Variants in MEI4 observed in about 807,000 individuals in gnomAD.
MEI4 encodes meiotic double-stranded break formation protein 4.
MEI4 carries 27 observed loss-of-function variants against 31.4 expected under a neutral mutation model. That is an observed-to-expected ratio of 0.86 (90% CI 0.63 to 1.19). The LOEUF is 1.19. MEI4 is among the 50% of genes most tolerant of loss of function. The pLI is 0.00. For synonymous variants in MEI4, 122 were observed against 145.4 expected, an observed-to-expected ratio of 0.84 and a Z score of 1.16; for missense variants, 329 against 398.9, an observed-to-expected ratio of 0.82 and a Z score of 1.49.
intron 2 of MEI4, among the ~76,000 whole-genome samples, chr6:77,706,088 C>T (rs1480854441): frequency 2.0e-5 from 3 of 152,130 alleles, no homozygotes; most frequent in Non-Finnish European, 4.4e-5. Context: ...TCTTTCTCCC[C>T]AAGGCAGGCC....
intron 2 of MEI4, among the ~76,000 whole-genome samples, chr6:77,747,374 T>C (rs979301198): frequency 4.4e-4 from 66 of 151,238 alleles, no homozygotes; most frequent in African/African-American, 1.6e-3. Context: ...ACAAAGAAAA[T>C]AGATTTAATT....
chr6:77,829,507 A>G (rs902155979), intron 4 of MEI4, among the ~76,000 whole-genome samples: 1 of 152,124 alleles, frequency 6.6e-6, no homozygotes, highest in African/African-American at 2.4e-5. Context: ...TGCCAATCCT[A>G]TTATTACATA....
At chr6:77,911,868 C>A (rs1425181298) in intron 4 of MEI4, among the ~76,000 whole-genome samples, 1 of 151,652 alleles carries the variant, frequency 6.6e-6, no homozygotes. Context: ...ATGTTGTTGC[C>A]TGTGTTTTTG....
chr6:77,697,921 C>A (rs544073104), intron 2 of MEI4, among the ~76,000 whole-genome samples: 2 of 152,118 alleles, frequency 1.3e-5, no homozygotes, highest in African/African-American at 4.8e-5. Context: ...GTAGGTCACT[C>A]AGGACTTGCT....
intron 2 of MEI4, among the ~76,000 whole-genome samples, chr6:77,710,165 C>G (rs1766425741): frequency 6.6e-6 from 1 of 152,190 alleles, no homozygotes; most frequent in Admixed American, 6.5e-5. Flanking sequence ...ACCTTTTTAA[C>G]AGTAAATACC....
chr6:77,733,209 C>A (rs778762348), intron 2 of MEI4, among the ~76,000 whole-genome samples: 1 of 151,852 alleles, frequency 6.6e-6, no homozygotes, highest in Non-Finnish European at 1.5e-5. Flanking sequence ...ATGGTACCAG[C>A]TCCTCCTAGT....
chr6:77,832,281 A>G (rs7762288), intron 4 of MEI4, among the ~76,000 whole-genome samples: 125,431 of 151,878 alleles, frequency 0.83, 52,313 homozygotes, highest in East Asian at 0.95. Context: ...ACTGTCTGAA[A>G]AATAGTTTTA....
rs1379511668 is a variant in MEI4 at position 77,758,203 on chromosome 6, G to T, written c.233-2927G>T. On this transcript the variant is annotated intron_variant, in intron 2 of 4. Coordinates refer to ENST00000684080, the MANE Select transcript of MEI4 (RefSeq NM_001322247.2). The stretch of plus-strand genomic sequence containing the variant: ...GAAAGAAATAGCCACATGCAGTTCA[G>T]TTTGTTTGCTGATCGATCATTTTTC... Among the ~76,000 whole-genome samples, 3 of 150,288 alleles carry T rather than the reference G, an allele frequency of 2.0e-5. No homozygotes were observed. In the East Asian group the frequency reaches 5.8e-4, roughly 29 times the overall value.
At chr6:77,819,766 T>C (rs577763503) in intron 3 of MEI4, among the ~76,000 whole-genome samples, 27 of 152,276 alleles carry the variant, frequency 1.8e-4, no homozygotes, top group African/African-American at 5.8e-4. Context: ...GATATATATC[T>C]TAGTGTTGGA....
chr6:77,823,071 C>A (rs1390617394), intron 3 of MEI4, among the ~76,000 whole-genome samples: 1 of 152,050 alleles, frequency 6.6e-6, no homozygotes, highest in Non-Finnish European at 1.5e-5. Flanking sequence ...ACTATTATAG[C>A]TTCAATTTTG....
rs545354438 is a variant in MEI4, at chr6:77,762,989, T to C, written c.768+1324T>C. Among the ~76,000 whole-genome samples the C allele has an allele frequency of 2.0e-5, 3 of 152,258 alleles. No homozygotes were observed. In the East Asian group the frequency reaches 5.8e-4, roughly 29 times the overall value. On this transcript the variant is annotated intron_variant, in intron 3 of 4. Coordinates refer to ENST00000684080, the MANE Select transcript of MEI4 (RefSeq NM_001322247.2). The stretch of plus-strand genomic sequence containing the variant: ...TAAACACTACTTTAAGCAGTCTTTA[T>C]GTAACTTGGAACCTTGAAGATACTG...
intron 3 of MEI4, among the ~76,000 whole-genome samples, chr6:77,802,270 T>G (rs1769286146): frequency 6.6e-6 from 1 of 152,226 alleles, no homozygotes; most frequent in East Asian, 1.9e-4. Flanking sequence ...AAAGTCTGTT[T>G]TATCAGAGAC....
chr6:77,816,944 T>C (rs953236096), intron 3 of MEI4, among the ~76,000 whole-genome samples: 2 of 152,156 alleles, frequency 1.3e-5, no homozygotes, highest in Admixed American at 1.3e-4. Context: ...ATGTATCTGT[T>C]AAGATCCAGT....
chr6:77,726,704 C>G lies in MEI4; in HGVS notation c.233-34426C>G, dbSNP rs1200283994. On this transcript the variant is annotated intron_variant, in intron 2 of 4. Transcript: ENST00000684080. ...GTGGGATGTAGGAGAGAGGAAGGAA[C>G]TAAAACAGGAAAATCTGCTAGGAGA... Among the ~76,000 whole-genome samples, 11 of 151,938 alleles carry G rather than the reference C, an allele frequency of 7.2e-5. No homozygotes were observed. The East Asian group carries it at 1.9e-3, about 27-fold the overall frequency.
chr6:77,857,247 A>C (rs1770767082), intron 4 of MEI4, among the ~76,000 whole-genome samples: 1 of 152,196 alleles, frequency 6.6e-6, no homozygotes, highest in African/African-American at 2.4e-5. Context: ...TACTTAAAAG[A>C]TCTAGAGAGG....
intron 3 of MEI4, among the ~76,000 whole-genome samples, chr6:77,772,886 A>G (rs542441091): frequency 6.6e-6 from 1 of 152,138 alleles, no homozygotes; most frequent in East Asian, 1.9e-4. Context: ...AGAAATCACT[A>G]GCATTTCTAT....
At chr6:77,716,823 A>G (rs1766591707) in intron 2 of MEI4, 1 of 963,382 alleles carries the variant, frequency 1.0e-6, no homozygotes, top group Non-Finnish European at 1.2e-6. Flanking sequence ...TTGAACAAGG[A>G]GAATATTTTC....
At chr6:77,733,756 T>G (rs1297623612) in intron 2 of MEI4, among the ~76,000 whole-genome samples, 2 of 152,108 alleles carry the variant, frequency 1.3e-5, no homozygotes, top group African/African-American at 2.4e-5. Flanking sequence ...CTTTCTCTTG[T>G]GGGCATTTAG....
chr6:77,888,310 C>T (rs978180361), intron 4 of MEI4, among the ~76,000 whole-genome samples: 7 of 148,084 alleles, frequency 4.7e-5, no homozygotes, highest in South Asian at 2.1e-4. Context: ...TAATTGTTTT[C>T]TAATTTTTTT....
Sources: allele counts gnomAD v4.1 joint callset (sites outside exome capture counted in the v4.1 genomes callset), GRCh38; gene constraint gnomAD v4.1.1; transcripts MANE v1.5; gene names NCBI Gene and HGNC (gene_info 2026-07-23, HGNC 2026-07-21).